Variants in STXBP5L observed in about 807,000 individuals in gnomAD.
The protein encoded by STXBP5L is syntaxin binding protein 5L.
Under a neutral mutation model 144.5 loss-of-function variants are expected in STXBP5L, and 65 were observed. The ratio of observed to expected loss-of-function variants is 0.45; its 90% confidence interval spans 0.37 to 0.55. The LOEUF is 0.55. Ranked by LOEUF, STXBP5L falls within the 20% of genes least tolerant of loss-of-function variation. The probability of loss-of-function intolerance (pLI) is 0.00; values close to 1 mark genes in which losing one functional copy is unlikely to be tolerated. For synonymous variants in STXBP5L, 505 were observed against 469.6 expected, an observed-to-expected ratio of 1.08 and a Z score of -0.97; for missense variants, 1,298 against 1,405.5, an observed-to-expected ratio of 0.92 and a Z score of 1.22.
intron 18 of STXBP5L, among the ~76,000 whole-genome samples, chr3:121,270,732 C>T (rs369401905): frequency 3.9e-5 from 6 of 152,266 alleles, no homozygotes; most frequent in African/African-American, 1.2e-4. Context: ...AGATTACAGG[C>T]GTGAGCCACT....
chr3:121,262,897 CA>C (rs1230559314), intron 18 of STXBP5L, among the ~76,000 whole-genome samples: 2 of 152,218 alleles, frequency 1.3e-5, no homozygotes, highest in Admixed American at 1.3e-4. Context: ...ACAGTTTCAG[CA>C]GACTTAAATG....
chr3:121,222,891 G>C lies in STXBP5L; in HGVS notation c.957-112G>C, dbSNP rs970567496. 3.3e-6 allele frequency: 4 copies of C among 1,213,660 alleles called. No homozygotes were observed. In the Admixed American group the frequency reaches 1.2e-4, roughly 35 times the overall value. The allele number at this position is 1,213,660 out of a possible 1,614,324, so 75.2% of individuals were successfully genotyped here. A position where few individuals can be genotyped will look rare whatever the true frequency, so the allele number is the denominator to read the frequency against. On this transcript the variant is annotated intron_variant, in intron 10 of 26. Transcript: ENST00000471454. ...TTTTGAGCCGGGCAAGTTTTTTGCT[G>C]TCTGTCATGTTATATGGTATGCAAC...
At chr3:121,030,703 C>G (rs1241494134) in intron 3 of STXBP5L, among the ~76,000 whole-genome samples, 1 of 151,996 alleles carries the variant, frequency 6.6e-6, no homozygotes, top group Non-Finnish European at 1.5e-5. Flanking sequence ...CCAGAATTCC[C>G]AGGCCCCACC....
rs1347716759 is a variant in STXBP5L at position 121,387,880 on chromosome 3, TGC to T, written c.2587+6349_2587+6350del. Among the ~76,000 whole-genome samples, 214 of 152,302 alleles carry T rather than the reference TGC, an allele frequency of 1.4e-3. 1 individual carries two copies. Among genetic ancestry groups the T allele is most frequent in the Middle Eastern group, 3.4e-3 (1 of 294 alleles). ...TTTTTGCTTAGGATTGTCTTGGCGATGCAGGCTCTTTTTTGGTTCCATATGAA... is the reference window on the plus strand; with the variant it reads ...TTTTTGCTTAGGATTGTCTTGGCGATAGGCTCTTTTTTGGTTCCATATGAA... On this transcript the variant is annotated intron_variant, in intron 22 of 26. Transcript: ENST00000471454.
chr3:121,018,581 A>G (rs926762921), intron 3 of STXBP5L, among the ~76,000 whole-genome samples: 1 of 151,876 alleles, frequency 6.6e-6, no homozygotes, highest in African/African-American at 2.4e-5. Flanking sequence ...ACAAAAATCA[A>G]CCCAAAATGG....
chr3:121,181,446 C>T (rs2047148851), intron 9 of STXBP5L, among the ~76,000 whole-genome samples: 1 of 152,198 alleles, frequency 6.6e-6, no homozygotes, highest in African/African-American at 2.4e-5. Context: ...TAAAACCTCA[C>T]CAACCGGCTG....
At chr3:120,930,137 CAG>C (rs1709846587) in intron 2 of STXBP5L, among the ~76,000 whole-genome samples, 4 of 143,220 alleles carry the variant, frequency 2.8e-5, no homozygotes, top group African/African-American at 8.0e-5. Context: ...CTCTACAATC[CAG>C]AGTTTGAATA....
At chr3:121,110,347 G>T (rs1434680938) in intron 5 of STXBP5L, among the ~76,000 whole-genome samples, 1 of 152,088 alleles carries the variant, frequency 6.6e-6, no homozygotes, top group Admixed American at 6.6e-5. Flanking sequence ...GCTGGTAACA[G>T]TTTTTTGTTT....
intron 5 of STXBP5L, among the ~76,000 whole-genome samples, chr3:121,062,374 T>C (rs1186692400): frequency 1.3e-5 from 2 of 152,260 alleles, no homozygotes; most frequent in Non-Finnish European, 2.9e-5. Context: ...GTTAGTCTGA[T>C]GGGCTTCCCT....
At chr3:121,009,345 A>G (rs1292940228) in intron 3 of STXBP5L, among the ~76,000 whole-genome samples, 2 of 151,532 alleles carry the variant, frequency 1.3e-5, no homozygotes, top group Non-Finnish European at 2.9e-5. Context: ...TATTTTCTAG[A>G]CTCCTGACCA....
chr3:121,000,360 CTT>C lies in STXBP5L; in HGVS notation c.288-41338_288-41337del, dbSNP rs377185209. Among the ~76,000 whole-genome samples, 52 of 152,074 alleles carry C rather than the reference CTT, an allele frequency of 3.4e-4. No individual in the cohort carries two copies. In the East Asian group the frequency reaches 5.0e-3, roughly 15 times the overall value. On this transcript the variant is annotated intron_variant, in intron 3 of 26. Transcript: ENST00000471454. The stretch of plus-strand genomic sequence containing the variant: ...GACTGAATAGATTTGAAGAGCCAGT[CTT>C]TGAGTTCTGAGGCTCTTTCCTGAAC...
chr3:121,326,057 A>G (rs1210397590), intron 20 of STXBP5L, among the ~76,000 whole-genome samples: 3 of 151,984 alleles, frequency 2.0e-5, no homozygotes, highest in Non-Finnish European at 2.9e-5. Flanking sequence ...ATAACTCAAA[A>G]TAGACATTAA....
intron 5 of STXBP5L, among the ~76,000 whole-genome samples, chr3:121,070,207 GA>G (rs1235411322): frequency 7.2e-5 from 11 of 152,204 alleles, no homozygotes; most frequent in Non-Finnish European, 1.2e-4. Flanking sequence ...GGAACTACGT[GA>G]GGCGAGAAGT....
chr3:121,093,294 G>A (rs1175751758), intron 5 of STXBP5L, among the ~76,000 whole-genome samples: 3 of 152,198 alleles, frequency 2.0e-5, no homozygotes, highest in South Asian at 4.1e-4. Context: ...CATAAAATGA[G>A]TTAGGGAGGA....
chr3:121,264,807 A>C (rs1406490827), intron 18 of STXBP5L, among the ~76,000 whole-genome samples: 3 of 39,248 alleles, frequency 7.6e-5, no homozygotes, highest in Non-Finnish European at 1.4e-4. Context: ...GGAAAGCACA[A>C]AAAAAAAAAA....
chr3:121,098,063 A>G (rs2043221108), intron 5 of STXBP5L, among the ~76,000 whole-genome samples: 1 of 152,034 alleles, frequency 6.6e-6, no homozygotes, highest in Non-Finnish European at 1.5e-5. Flanking sequence ...ATGTATCCCT[A>G]TTAGTATAAT....
chr3:121,039,526 T>A (rs549720483), intron 3 of STXBP5L, among the ~76,000 whole-genome samples: 36 of 152,090 alleles, frequency 2.4e-4, no homozygotes, highest in Middle Eastern at 3.4e-3. Flanking sequence ...TATTTATCAT[T>A]TTAAATGTTC....
chr3:121,234,558 C>T (rs1467210541), intron 12 of STXBP5L, among the ~76,000 whole-genome samples: 1 of 152,112 alleles, frequency 6.6e-6, no homozygotes, highest in Non-Finnish European at 1.5e-5. Flanking sequence ...GCTGTAGGCT[C>T]CATGAAGGAG....
intron 22 of STXBP5L, among the ~76,000 whole-genome samples, chr3:121,395,043 T>C (rs2046694332): frequency 6.6e-6 from 1 of 152,126 alleles, no homozygotes; most frequent in African/African-American, 2.4e-5. Context: ...CCTTCTTATA[T>C]AGACAGATGA....
Sources: allele counts gnomAD v4.1 joint callset (sites outside exome capture counted in the v4.1 genomes callset), GRCh38; gene constraint gnomAD v4.1.1; transcripts MANE v1.5; gene names NCBI Gene and HGNC (gene_info 2026-07-23, HGNC 2026-07-21).